Variants in INTS6 observed in about 807,000 individuals in gnomAD.
INTS6 encodes the protein DEAD box protein.
Under a neutral mutation model 104.9 loss-of-function variants are expected in INTS6, and 16 were observed. The ratio of observed to expected loss-of-function variants is 0.15; its 90% CI spans 0.10 to 0.23. INTS6 has a LOEUF of 0.23. Among genes scored for constraint, INTS6 ranks in the 10% least tolerant of loss-of-function variants. The pLI is 1.00. For missense variants in INTS6, 584 were observed against 1,062.8 expected, an observed-to-expected ratio of 0.55 and a Z score of 6.26; for synonymous variants, 324 against 358.7, an observed-to-expected ratio of 0.90 and a Z score of 1.09.
intron 2 of INTS6, chr13:51,451,606 G>T (rs1029688364): frequency 1.3e-5 from 2 of 156,170 alleles, no homozygotes; most frequent in African/African-American, 4.8e-5. Flanking sequence ...ATGCAAACCG[G>T]GGCTGTGCGC....
chr13:51,341,029 T>C, the INTS6 span: 2 of 1,575,480 alleles, frequency 1.3e-6, no homozygotes, highest in Non-Finnish European at 1.7e-6. Flanking sequence ...CCCTCTTTCA[T>C]CACCAGCTTC....
chr13:51,356,223 G>A (rs1955479537), intron 3 of INTS6, among the ~76,000 whole-genome samples: 1 of 152,064 alleles, frequency 6.6e-6, no homozygotes, highest in African/African-American at 2.4e-5. Flanking sequence ...TGTCCACAAC[G>A]ATGCTTGGCA....
chr13:51,380,725 C>A (rs570803771), intron 10 of INTS6, among the ~76,000 whole-genome samples: 61 of 152,238 alleles, frequency 4.0e-4, no homozygotes, highest in African/African-American at 1.4e-3. Flanking sequence ...ATTTTAAGTA[C>A]TTTTGTTAAA....
At chr13:51,377,901 G>A (rs917201707) in intron 12 of INTS6, among the ~76,000 whole-genome samples, 1 of 152,016 alleles carries the variant, frequency 6.6e-6, no homozygotes, top group Non-Finnish European at 1.5e-5. Context: ...AAGCATTTTT[G>A]GATCATGCTG....
chr13:51,378,470 G>A lies in INTS6; in HGVS notation c.1387-16C>T, dbSNP rs748398974. 7.1e-6 allele frequency: 11 copies of A among 1,542,620 alleles called. No homozygotes were observed. In the East Asian group the frequency reaches 2.5e-4, roughly 35 times the overall value. On this transcript the variant is annotated splice_polypyrimidine_tract_variant and intron_variant, in intron 11 of 17. Coordinates refer to ENST00000311234, the MANE Select transcript of INTS6 (RefSeq NM_012141.3). ...CTATTTTGGCCTAAAGTAAAAATAA[G>A]TCAGAATTATCTTGATAAAATCTAA...
At chr13:51,350,381 T>C (rs1201442167), downstream of INTS6, among the ~76,000 whole-genome samples, 8 of 152,198 alleles carry the variant, frequency 5.3e-5, no homozygotes, top group African/African-American at 1.9e-4. Context: ...AAGGGTTGTT[T>C]ATAACCACAA....
intron 12 of INTS6, 113 bp from the exon 13 acceptor site, chr13:51,376,287 T>TA (rs1320733305): frequency 6.5e-5 from 48 of 742,124 alleles, no homozygotes; most frequent in Middle Eastern, 2.9e-4. Flanking sequence ...CTGGTTAGCT[T>TA]AAAAAAAATA....
At chr13:51,368,864 T>C in intron 16 of INTS6, 75 bp downstream of exon 16, 2 of 1,440,268 alleles carry the variant, frequency 1.4e-6, no homozygotes, top group Non-Finnish European at 1.9e-6. Context: ...TACAGTTACT[T>C]GACTTTTTTT....
At chr13:51,341,405 T>G in the INTS6 span, 5 of 1,466,616 alleles carry the variant, frequency 3.4e-6, no homozygotes, top group Non-Finnish European at 4.6e-6. Flanking sequence ...TCACACTCTC[T>G]CCAGCTCACC....
intron 4 of INTS6, chr13:51,423,016 GTTTA>G: frequency 3.2e-6 from 4 of 1,239,812 alleles, no homozygotes; most frequent in Non-Finnish European, 4.2e-6. Flanking sequence ...TATTACAAAT[GTTTA>G]TTTACTTGCC....
intron 10 of INTS6, among the ~76,000 whole-genome samples, chr13:51,380,967 G>T (rs1593681627): frequency 6.6e-6 from 1 of 151,964 alleles, no homozygotes; most frequent in African/African-American, 2.4e-5. Context: ...TATGGATTCC[G>T]TATTCTGTGA....
At chr13:51,401,623 C>T (rs1223562122) in intron 4 of INTS6, among the ~76,000 whole-genome samples, 7 of 152,020 alleles carry the variant, frequency 4.6e-5, no homozygotes, top group African/African-American at 7.2e-5. Flanking sequence ...TATTAGAAGG[C>T]GCAAGTTATT....
chr13:51,394,826 A>G (rs1410124338), intron 5 of INTS6, among the ~76,000 whole-genome samples: 2 of 152,178 alleles, frequency 1.3e-5, no homozygotes, highest in Non-Finnish European at 2.9e-5. Flanking sequence ...CATAGTACCT[A>G]CCTAATCTGA....
At chr13:51,342,816 C>T in the INTS6 span, among the ~76,000 whole-genome samples, 1 of 152,060 alleles carries the variant, frequency 6.6e-6, no homozygotes, top group Non-Finnish European at 1.5e-5. Flanking sequence ...TGACCTTCCT[C>T]GATAGAGTAA....
chr13:51,417,851 A>G (rs569432329), intron 4 of INTS6, among the ~76,000 whole-genome samples: 17 of 152,296 alleles, frequency 1.1e-4, no homozygotes, highest in African/African-American at 4.1e-4. Flanking sequence ...TCTCAATTCT[A>G]TCTCACTGAC....
intron 4 of INTS6, among the ~76,000 whole-genome samples, chr13:51,414,765 T>C (rs1956753271): frequency 6.6e-6 from 1 of 151,944 alleles, no homozygotes; most frequent in South Asian, 2.1e-4. Flanking sequence ...AATATGTAAG[T>C]ACTATCAGGC....
intron 4 of INTS6, chr13:51,402,863 T>C (rs1451385381): frequency 6.6e-6 from 1 of 152,202 alleles, no homozygotes; most frequent in African/African-American, 2.4e-5. Context: ...CTCAATTTTA[T>C]GTACTTATAA....
At position 51,452,402 on chromosome 13, in the gene INTS6, G is replaced by C. The variant is rs905345861; in HGVS notation, c.111+13C>G. 11 of 1,563,532 alleles carry C rather than the reference G, an allele frequency of 7.0e-6. No individual in the cohort carries two copies. Among genetic ancestry groups the C allele is most frequent in the Non-Finnish European group, 8.6e-6 (10 of 1,156,336 alleles). ...CGGGCCGGGGTCGCCGCCCGGGCTC[G>C]GTCAGTCGGTACCTTCATGAAGGTC... On this transcript the variant is annotated intron_variant, in intron 1 of 17. Transcript: ENST00000311234. This position sits in a 1 kb window ranked among gnomAD's most constrained non-coding sequence, Gnocchi z 4.2.
chr13:51,416,202 T>C (rs1956783433), intron 4 of INTS6, among the ~76,000 whole-genome samples: 1 of 151,998 alleles, frequency 6.6e-6, no homozygotes, highest in South Asian at 2.1e-4. Flanking sequence ...CAAAAGGAAA[T>C]AGAGAAGATA....
Sources: gnomAD v4.1 joint callset for allele counts (sites outside exome capture counted in the v4.1 genomes callset) on GRCh38, gnomAD v4.1.1 for gene constraint, Gnocchi (gnomAD v3.1) non-coding constraint, MANE v1.5 for transcripts, NCBI Gene and HGNC (gene_info 2026-07-23, HGNC 2026-07-21) for gene names.